Variants in DNAH8 observed in about 807,000 individuals in gnomAD.
DNAH8 encodes the protein axonemal beta dynein heavy chain 8.
In DNAH8, 382 loss-of-function variants were observed where a neutral mutation model predicts 562.1. The ratio of observed to expected loss-of-function variants is 0.68; its 90% CI spans 0.63 to 0.74. DNAH8 has a LOEUF of 0.74. Among genes scored for constraint, DNAH8 ranks in the 30% least tolerant of loss-of-function variants. The probability of loss-of-function intolerance (pLI) is 0.00; values close to 1 mark genes in which losing one functional copy is unlikely to be tolerated. For missense variants in DNAH8, 5,203 were observed against 5,620.4 expected, an observed-to-expected ratio of 0.93 and a Z score of 2.37; for synonymous variants, 1,881 against 1,919.4, an observed-to-expected ratio of 0.98 and a Z score of 0.52.
rs1777562334 is a variant in DNAH8, at chr6:38,872,692, C to G, written c.7147C>G (p.Gln2383Glu). ...RMNPKAITAP[Q>E]MFGRLDTATN... ...GAATCCAAAAGCCATTACTGCACCTCAGATGTTTGGCAGACTGGACACTGC... is the reference window on the plus strand; with the variant it reads ...GAATCCAAAAGCCATTACTGCACCTGAGATGTTTGGCAGACTGGACACTGC... The change falls in exon 50 of 93, where the codon CAG becomes GAG. Residue 2383 changes from glutamine to glutamate, a missense_variant. Physicochemically the swap from Gln to Glu is conservative, Grantham distance 29 (BLOSUM62 2). Coordinates refer to ENST00000327475, the MANE Select transcript of DNAH8 (RefSeq NM_001206927.2). The G allele has an allele frequency of 2.5e-6, 4 of 1,614,060 alleles. No individual in the cohort carries two copies. The African/African-American group carries it at 5.3e-5, about 22-fold the overall frequency.
intron 79 of DNAH8, among the ~76,000 whole-genome samples, chr6:38,940,395 TG>T: frequency 6.6e-6 from 1 of 152,164 alleles, no homozygotes; most frequent in East Asian, 1.9e-4. Flanking sequence ...TGAGGAGGGT[TG>T]GAGTGGGGGA....
chr6:38,800,708 G>T (rs939871084), intron 21 of DNAH8, among the ~76,000 whole-genome samples: 1 of 152,010 alleles, frequency 6.6e-6, no homozygotes, highest in African/African-American at 2.4e-5. Flanking sequence ...GTAGAGAGGG[G>T]GTTTCGCCAT....
At chr6:38,936,250 T>C (rs1782957949) in intron 77 of DNAH8, 1 of 152,166 alleles carries the variant, frequency 6.6e-6, no homozygotes, top group Admixed American at 6.5e-5. Flanking sequence ...ATGACACATG[T>C]AATCCATGTC....
At chr6:39,008,480 A>AGG (rs1219255732) in intron 88 of DNAH8, among the ~76,000 whole-genome samples, 3 of 152,230 alleles carry the variant, frequency 2.0e-5, no homozygotes, top group Admixed American at 6.5e-5. Context: ...GAGTGAAAGG[A>AGG]GGTGTGCCCG....
intron 87 of DNAH8, 198 bp downstream of exon 87, chr6:38,984,505 C>T (rs1216242935): frequency 2.2e-5 from 12 of 550,778 alleles, no homozygotes; most frequent in Non-Finnish European, 3.6e-5. Flanking sequence ...CAACAACCAG[C>T]AATTGGGCCA....
chr6:38,949,836 A>G (rs575873341), intron 81 of DNAH8, among the ~76,000 whole-genome samples: 1 of 152,334 alleles, frequency 6.6e-6, no homozygotes, highest in Admixed American at 6.5e-5. Context: ...TATTAATGAT[A>G]GTGCTTTTAG....
chr6:38,799,794 A>G (rs2127670479), intron 21 of DNAH8, among the ~76,000 whole-genome samples: 1 of 152,228 alleles, frequency 6.6e-6, no homozygotes, highest in East Asian at 1.9e-4. Flanking sequence ...AGGCAACCCC[A>G]AATTTCCTTT....
chr6:38,955,878 A>T (rs1022503121), intron 82 of DNAH8, among the ~76,000 whole-genome samples: 2 of 152,224 alleles, frequency 1.3e-5, no homozygotes, highest in African/African-American at 4.8e-5. Flanking sequence ...GCACAAACTG[A>T]CACCCAAATG....
rs1269067399 is a variant in DNAH8 at position 38,817,896 on chromosome 6, CA to C, written c.3523+2242del. ...AAGACACAATCCAATGCCATAATCTCAAATGTTGAAATCCCAAAAGATCAAA... is the reference window on the plus strand; with the variant it reads ...AAGACACAATCCAATGCCATAATCTCAATGTTGAAATCCCAAAAGATCAAA... On this transcript the variant is annotated intron_variant, in intron 26 of 92. Transcript: ENST00000327475. 2.0e-5 allele frequency among the ~76,000 whole-genome samples: 3 copies of C among 152,186 alleles called. No individual in the cohort carries two copies. The East Asian group carries it at 5.8e-4, about 29-fold the overall frequency.
chr6:38,875,474 T>C, intron 52 of DNAH8, 117 bp from the exon 53 acceptor site: 1 of 638,798 alleles, frequency 1.6e-6, no homozygotes, highest in East Asian at 2.9e-5. Flanking sequence ...AAGCAATAGC[T>C]TGAGATATAT....
At chr6:38,863,294 G>T (rs1776780338) in intron 44 of DNAH8, among the ~76,000 whole-genome samples, 1 of 150,164 alleles carries the variant, frequency 6.7e-6, no homozygotes, top group African/African-American at 2.5e-5. Flanking sequence ...GCTGGGCATG[G>T]TGGTGCGTGC....
rs1480514204 is a variant in DNAH8 at position 38,756,052 on chromosome 6, A to G, written c.1488A>G (p.Ser496=). Residue 496 remains serine, a synonymous_variant, in exon 10 of 93, where the codon TCA becomes TCG. Coordinates refer to ENST00000327475, the MANE Select transcript of DNAH8 (RefSeq NM_001206927.2). ...GTGTGTCAAGGTATTATAATACCTC[A>G]GAGAGAATGACCTCATTGTTTATCA... The part of the protein sequence containing the change: ...IHGVSRYYNT[S]ERMTSLFIKV... The G allele has an allele frequency of 6.3e-7, 1 of 1,591,772 alleles. No individual in the cohort carries two copies. Among genetic ancestry groups the G allele is most frequent in the South Asian group, 1.1e-5 (1 of 90,486 alleles).
At chr6:38,884,488 T>C (rs1778766682) in intron 56 of DNAH8, among the ~76,000 whole-genome samples, 1 of 152,306 alleles carries the variant, frequency 6.6e-6, no homozygotes, top group East Asian at 1.9e-4. Flanking sequence ...GAGACACGGT[T>C]TCACCATGTT....
chr6:38,903,613 T>TTTC (rs1491491306), intron 62 of DNAH8, among the ~76,000 whole-genome samples: 6 of 43,184 alleles, frequency 1.4e-4, no homozygotes, highest in Non-Finnish European at 1.4e-4. Flanking sequence ...TCTTTCTTCC[T>TTTC]TTTTTTTTTT....
intron 11 of DNAH8, among the ~76,000 whole-genome samples, chr6:38,765,775 A>G (rs552810464): frequency 6.6e-6 from 1 of 152,364 alleles, no homozygotes; most frequent in Admixed American, 6.5e-5. Flanking sequence ...AAAAACCACA[A>G]TGAAATATCA....
At chr6:38,996,473 G>C (rs9394567) in intron 88 of DNAH8, among the ~76,000 whole-genome samples, 63,390 of 151,932 alleles carry the variant, frequency 0.42, 13,511 homozygotes, top group East Asian at 0.59. Context: ...GCCCCAAACT[G>C]AATCTCCTCC....
intron 11 of DNAH8, chr6:38,763,397 A>G (rs1308617149): frequency 3.4e-6 from 1 of 293,302 alleles, no homozygotes; most frequent in East Asian, 9.7e-5. Context: ...GAATATTGTG[A>G]CAAGAGAGGG....
intron 22 of DNAH8, among the ~76,000 whole-genome samples, chr6:38,805,246 T>A (rs1771160499): frequency 6.6e-6 from 1 of 152,230 alleles, no homozygotes; most frequent in African/African-American, 2.4e-5. Flanking sequence ...GAATTCTAGA[T>A]TGTATATTTA....
At chr6:38,827,136 C>G (rs9380782) in intron 29 of DNAH8, among the ~76,000 whole-genome samples, 12,994 of 151,916 alleles carry the variant, frequency 0.086, 740 homozygotes, top group East Asian at 0.21. Context: ...ACTTCTACCC[C>G]CATTTCTGTC....
Sources: gnomAD v4.1 joint callset for allele counts (sites outside exome capture counted in the v4.1 genomes callset) on GRCh38, gnomAD v4.1.1 for gene constraint, MANE v1.5 for transcripts, NCBI Gene and HGNC (gene_info 2026-07-23, HGNC 2026-07-21) for gene names.